Variants in TAOK3 observed in about 807,000 individuals in gnomAD.
The protein encoded by TAOK3 is serine/threonine-protein kinase TAO3.
A neutral mutation model predicts 120.4 loss-of-function variants in TAOK3; 40 were observed. That is an observed-to-expected ratio of 0.33 (90% CI 0.26 to 0.43). The LOEUF is 0.43. TAOK3 is among the 20% of genes least tolerant of loss of function. The pLI is 1.00. For synonymous variants in TAOK3, 355 were observed against 387.5 expected (o/e 0.92, Z 0.99); for missense variants, 821 against 1,112.1 (o/e 0.74, Z 3.72).
chr12:118,194,482 T>C (rs1028856471), intron 13 of TAOK3, among the ~76,000 whole-genome samples: 13 of 152,140 alleles, frequency 8.5e-5, no homozygotes, highest in African/African-American at 2.4e-4. Flanking sequence ...ATATGTTAAT[T>C]TACTTTTACT....
At chr12:118,323,186 A>G (rs2043795149) in intron 1 of TAOK3, among the ~76,000 whole-genome samples, 1 of 152,224 alleles carries the variant, frequency 6.6e-6, no homozygotes, top group African/African-American at 2.4e-5. Context: ...CCTATTGTGT[A>G]GTAAAACAAA....
intron 1 of TAOK3, among the ~76,000 whole-genome samples, chr12:118,276,775 C>T (rs368359034): frequency 2.0e-5 from 3 of 152,056 alleles, no homozygotes; most frequent in Admixed American, 6.6e-5. Flanking sequence ...GAGGCCAAGG[C>T]GGGTGGATCA....
Position 118,363,018 on chromosome 12 carries a change from C to CAAAAAA in TAOK3, c.-194+9624_-194+9629dup, listed in dbSNP as rs60475060. On this transcript the variant is annotated intron_variant, in intron 1 of 20. Transcript: ENST00000392533. ...TGGGCAACAGAGAAAGACTCCGTAT[C>CAAAAAA]AAAAAAAAAAAAAAAAAAAAAAAAA... Among the ~76,000 whole-genome samples, 264 of 45,846 alleles carry CAAAAAA rather than the reference C, an allele frequency of 5.8e-3. 1 individual carries two copies. The highest frequency in any genetic ancestry group is 7.9e-3 in the Non-Finnish European group (204 of 25,788). The allele number at this position is 45,846 out of a possible 152,430, so 30.1% of individuals were successfully genotyped here. A position where few individuals can be genotyped will look rare whatever the true frequency, so the allele number is the denominator to read the frequency against.
At chr12:118,224,014 C>G (rs2039383098) in intron 9 of TAOK3, among the ~76,000 whole-genome samples, 1 of 152,238 alleles carries the variant, frequency 6.6e-6, no homozygotes, top group South Asian at 2.1e-4. Context: ...CTACCATTTA[C>G]TGAATTCCTA....
At chr12:118,360,553 G>A (rs979857345) in intron 1 of TAOK3, among the ~76,000 whole-genome samples, 9 of 138,372 alleles carry the variant, frequency 6.5e-5, no homozygotes, top group Non-Finnish European at 1.4e-4. Context: ...GGGCGACACA[G>A]CGAGACTCCG....
At chr12:118,157,950 T>G (rs1025504732) in intron 19 of TAOK3, among the ~76,000 whole-genome samples, 1 of 152,214 alleles carries the variant, frequency 6.6e-6, no homozygotes, top group African/African-American at 2.4e-5. Context: ...AAAAGCAGTC[T>G]CACTTACCAT....
intron 17 of TAOK3, among the ~76,000 whole-genome samples, chr12:118,167,755 C>T (rs570248264): frequency 6.6e-6 from 1 of 151,664 alleles, no homozygotes; most frequent in South Asian, 2.1e-4. Flanking sequence ...AGCACATGAC[C>T]CAATCAAGTT....
At chr12:118,228,111 A>G (rs907826964) in intron 9 of TAOK3, among the ~76,000 whole-genome samples, 2 of 150,420 alleles carry the variant, frequency 1.3e-5, no homozygotes, top group African/African-American at 4.9e-5. Flanking sequence ...CTAGAATTAT[A>G]TCTTTACAAC....
At position 118,235,688 on chromosome 12, in the gene TAOK3, AAG is replaced by A; in HGVS notation, c.438-19_438-18del. ...TTAATATCCCTATAGGAAAAAAAAA[AAG>A]GGTTAGAAAATTACTTTTCAATTTT... On this transcript the variant is annotated intron_variant, in intron 7 of 20. Transcript: ENST00000392533. The A allele has an allele frequency of 6.5e-7, 1 of 1,539,078 alleles. No individual in the cohort carries two copies. Among genetic ancestry groups the A allele is most frequent in the Non-Finnish European group, 8.9e-7 (1 of 1,120,460 alleles).
At chr12:118,289,291 T>G (rs1271408330) in intron 1 of TAOK3, among the ~76,000 whole-genome samples, 5 of 118,420 alleles carry the variant, frequency 4.2e-5, no homozygotes, top group Non-Finnish European at 6.7e-5. Flanking sequence ...ACACCAAGAC[T>G]GTCTCAAAAA....
At chr12:118,207,887 C>CACACACAT (rs1437919622) in intron 11 of TAOK3, among the ~76,000 whole-genome samples, 2 of 151,832 alleles carry the variant, frequency 1.3e-5, no homozygotes, top group Non-Finnish European at 2.9e-5. Flanking sequence ...CACACACACA[C>CACACACAT]ACATGCACAA....
chr12:118,208,564 A>G (rs2038455978), intron 11 of TAOK3, among the ~76,000 whole-genome samples: 1 of 152,216 alleles, frequency 6.6e-6, no homozygotes, highest in African/African-American at 2.4e-5. Flanking sequence ...CTGATCTGAC[A>G]AAGTTCAAAA....
intron 1 of TAOK3, among the ~76,000 whole-genome samples, chr12:118,365,929 A>G (rs768106767): frequency 6.6e-5 from 10 of 152,246 alleles, no homozygotes; most frequent in Non-Finnish European, 1.5e-4. Flanking sequence ...ATTTACACAT[A>G]CATACCCTGA....
At chr12:118,299,949 G>C (rs1392368520) in intron 1 of TAOK3, among the ~76,000 whole-genome samples, 1 of 151,992 alleles carries the variant, frequency 6.6e-6, no homozygotes, top group African/African-American at 2.4e-5. Flanking sequence ...CTTCCACTTG[G>C]GGGCAGTGGG....
At chr12:118,200,830 A>G (rs1280625826) in intron 12 of TAOK3, 1 of 152,588 alleles carries the variant, frequency 6.6e-6, no homozygotes, top group Non-Finnish European at 1.5e-5. Context: ...TACCTCTACG[A>G]TGTTTCTCTA....
intron 1 of TAOK3, among the ~76,000 whole-genome samples, chr12:118,329,525 T>C (rs554228624): frequency 1.3e-5 from 2 of 152,296 alleles, no homozygotes; most frequent in Admixed American, 1.3e-4. Context: ...AAAACCATCA[T>C]GAGAAAAAGG....
chr12:118,314,976 G>T (rs2043397758), intron 1 of TAOK3, among the ~76,000 whole-genome samples: 1 of 151,670 alleles, frequency 6.6e-6, no homozygotes, highest in African/African-American at 2.4e-5. Flanking sequence ...CGGCTGGAGT[G>T]AGTGCGTGCA....
intron 1 of TAOK3, among the ~76,000 whole-genome samples, chr12:118,316,042 G>A (rs2043444607): frequency 6.6e-6 from 1 of 152,080 alleles, no homozygotes. Context: ...GATCCCAAGG[G>A]GAATGTAATG....
chr12:118,243,370 G>T (rs550004566), intron 5 of TAOK3, 45 bp downstream of exon 5: 44 of 1,072,656 alleles, frequency 4.1e-5, no homozygotes, highest in Non-Finnish European at 5.8e-5. Context: ...AAAAGAAAAA[G>T]AAAAAAATGT....
Sources: allele counts gnomAD v4.1 joint callset (sites outside exome capture counted in the v4.1 genomes callset), GRCh38; gene constraint gnomAD v4.1.1; transcripts MANE v1.5; gene names NCBI Gene and HGNC (gene_info 2026-07-23, HGNC 2026-07-21).